Variants in PRKCE observed in about 807,000 individuals in gnomAD.
PRKCE encodes the protein protein kinase C epsilon, also known as protein kinase C epsilon type.
In PRKCE, 16 loss-of-function variants were observed where a neutral mutation model predicts 85.4. The ratio of observed to expected loss-of-function variants is 0.19; its 90% CI spans 0.13 to 0.28. The LOEUF (loss-of-function observed/expected upper bound fraction) is 0.28, where lower values mean the gene tolerates loss of function less well. Ranked by LOEUF, PRKCE falls within the 10% of genes least tolerant of loss-of-function variation. The probability of loss-of-function intolerance (pLI) is 1.00; values close to 1 mark genes in which losing one functional copy is unlikely to be tolerated. For synonymous variants in PRKCE, 388 were observed against 371.5 expected (o/e 1.04, Z -0.51); for missense variants, 573 against 975.2 (o/e 0.59, Z 5.49).
intron 11 of PRKCE, among the ~76,000 whole-genome samples, chr2:46,121,415 A>G (rs1574523827): frequency 1.3e-5 from 2 of 152,156 alleles, no homozygotes; most frequent in Admixed American, 6.5e-5. Context: ...ACACTGAGAG[A>G]TGTCCCCTGG....
chr2:45,906,231 G>A (rs866958391), intron 2 of PRKCE, among the ~76,000 whole-genome samples: 1 of 152,232 alleles, frequency 6.6e-6, no homozygotes, highest in African/African-American at 2.4e-5. Flanking sequence ...TTGGATCACC[G>A]CTGGTGTGCT....
chr2:45,823,528 C>A (rs529632580), intron 1 of PRKCE, among the ~76,000 whole-genome samples: 2 of 152,314 alleles, frequency 1.3e-5, no homozygotes, highest in East Asian at 3.9e-4. Flanking sequence ...TTCTACTTGA[C>A]TAATTGGGTA....
chr2:46,141,678 T>A (rs1675546271), intron 11 of PRKCE, among the ~76,000 whole-genome samples: 1 of 151,766 alleles, frequency 6.6e-6, no homozygotes, highest in Admixed American at 6.6e-5. Context: ...TTTGCTGGAT[T>A]TTCCCCCCTC....
intron 2 of PRKCE, among the ~76,000 whole-genome samples, chr2:45,875,715 C>T (rs76036616): frequency 2.3e-3 from 344 of 152,246 alleles, no homozygotes; most frequent in African/African-American, 7.8e-3. Context: ...GTGGTGAGCT[C>T]CCATCCCTGG....
At chr2:45,856,971 G>C (rs1692728873) in intron 2 of PRKCE, among the ~76,000 whole-genome samples, 2 of 152,200 alleles carry the variant, frequency 1.3e-5, no homozygotes, top group African/African-American at 4.8e-5. Flanking sequence ...AATTTAGGTT[G>C]ATTCCATATC....
At chr2:46,130,094 T>C (rs1466868679) in intron 11 of PRKCE, among the ~76,000 whole-genome samples, 2 of 152,206 alleles carry the variant, frequency 1.3e-5, no homozygotes, top group African/African-American at 4.8e-5. Flanking sequence ...ATTTTGTTCT[T>C]GTGTATTCTT....
At chr2:45,724,311 G>T (rs1290528276) in intron 1 of PRKCE, among the ~76,000 whole-genome samples, 1 of 152,182 alleles carries the variant, frequency 6.6e-6, no homozygotes, top group Non-Finnish European at 1.5e-5. Flanking sequence ...CCCCATATAA[G>T]ATGGTGAACT....
chr2:45,673,057 C>T (rs1399809554), intron 1 of PRKCE, among the ~76,000 whole-genome samples: 1 of 152,002 alleles, frequency 6.6e-6, no homozygotes, highest in African/African-American at 2.4e-5. Flanking sequence ...ACAAACAAAC[C>T]AAAAACCACA....
chr2:45,935,067 T>TCTCACACACACACACA (rs34264556), intron 2 of PRKCE, among the ~76,000 whole-genome samples: 1 of 146,248 alleles, frequency 6.8e-6, no homozygotes, highest in African/African-American at 2.6e-5. Flanking sequence ...ACTCTCTCTC[T>TCTCACACACACACACA]CACACACACA....
At chr2:45,961,235 T>TC (rs1558888669) in intron 2 of PRKCE, among the ~76,000 whole-genome samples, 1 of 151,798 alleles carries the variant, frequency 6.6e-6, no homozygotes, top group Non-Finnish European at 1.5e-5. Context: ...CCTACCTCCT[T>TC]TCCCCCCCCG....
intron 10 of PRKCE, among the ~76,000 whole-genome samples, chr2:46,017,407 A>C (rs111596750): frequency 1.7e-4 from 26 of 152,346 alleles, no homozygotes; most frequent in African/African-American, 5.3e-4. Context: ...TTAAAGGCCA[A>C]ATACTATTCT....
chr2:45,723,125 T>C (rs959783572), intron 1 of PRKCE, among the ~76,000 whole-genome samples: 10 of 152,064 alleles, frequency 6.6e-5, no homozygotes, highest in Non-Finnish European at 1.3e-4. Flanking sequence ...AAAGATAAGT[T>C]AACAGTGTAT....
At position 45,697,691 on chromosome 2, in the gene PRKCE, C is replaced by T. The variant is rs150794646; in HGVS notation, c.348+45243C>T. ...CCTTGGCTCCAACCTGCCTCTGTTC[C>T]CAGGAGCTTTCTGGAAGTTACTTCC... On this transcript the variant is annotated intron_variant, in intron 1 of 14. Transcript: ENST00000306156. This position sits in a 1 kb window ranked among gnomAD's most constrained non-coding sequence, Gnocchi z 4.2. Among the ~76,000 whole-genome samples the T allele has an allele frequency of 6.6e-6, 1 of 152,268 alleles. No homozygotes were observed. The highest frequency in any genetic ancestry group is 1.9e-4 in the East Asian group (1 of 5,172).
intron 11 of PRKCE, among the ~76,000 whole-genome samples, chr2:46,144,077 T>C (rs967061747): frequency 7.9e-5 from 12 of 152,302 alleles, no homozygotes; most frequent in African/African-American, 2.9e-4. Context: ...TTCTACCGTG[T>C]CAGGGCTGTG....
At chr2:45,866,383 C>A (rs1450283159) in intron 2 of PRKCE, among the ~76,000 whole-genome samples, 1 of 152,216 alleles carries the variant, frequency 6.6e-6, no homozygotes, top group African/African-American at 2.4e-5. Flanking sequence ...TCTCAGCTCA[C>A]TGCAAGCTCC....
intron 2 of PRKCE, among the ~76,000 whole-genome samples, chr2:45,952,564 T>C (rs1391478103): frequency 6.6e-6 from 1 of 152,246 alleles, no homozygotes; most frequent in Non-Finnish European, 1.5e-5. Flanking sequence ...CTATTTTACG[T>C]TGAAATTGCT....
chr2:46,127,061 A>G (rs910012479), intron 11 of PRKCE, among the ~76,000 whole-genome samples: 4 of 152,184 alleles, frequency 2.6e-5, no homozygotes, highest in Non-Finnish European at 5.9e-5. Flanking sequence ...AAATGCAGAA[A>G]AAGGAAAGCT....
intron 2 of PRKCE, among the ~76,000 whole-genome samples, chr2:45,876,537 A>G (rs1694497750): frequency 6.6e-6 from 1 of 152,150 alleles, no homozygotes; most frequent in African/African-American, 2.4e-5. Context: ...GGTAAATCCC[A>G]CTTTTTAATT....
intron 1 of PRKCE, among the ~76,000 whole-genome samples, chr2:45,787,003 T>A (rs1032564831): frequency 5.3e-5 from 8 of 152,370 alleles, no homozygotes; most frequent in African/African-American, 1.9e-4. Context: ...CCCATCGGTT[T>A]CCCCTGGATC....
Sources: gnomAD v4.1 joint callset for allele counts (sites outside exome capture counted in the v4.1 genomes callset) on GRCh38, gnomAD v4.1.1 for gene constraint, Gnocchi (gnomAD v3.1) non-coding constraint, MANE v1.5 for transcripts, NCBI Gene and HGNC (gene_info 2026-07-23, HGNC 2026-07-21) for gene names.